Variants in FRMD4A observed in about 807,000 individuals in gnomAD.
The protein encoded by FRMD4A is FERM domain-containing protein 4A.
FRMD4A carries 29 observed loss-of-function variants against 129.1 expected under a neutral mutation model. The ratio of observed to expected loss-of-function variants is 0.22; its 90% CI spans 0.17 to 0.31. The LOEUF (loss-of-function observed/expected upper bound fraction) is 0.31, where lower values mean the gene tolerates loss of function less well. Ranked by LOEUF, FRMD4A falls within the 10% of genes least tolerant of loss-of-function variation. FRMD4A has a pLI of 1.00. For missense variants in FRMD4A, 1,272 were observed against 1,375.8 expected, an observed-to-expected ratio of 0.92 and a Z score of 1.19; for synonymous variants, 634 against 571.6, an observed-to-expected ratio of 1.11 and a Z score of -1.56.
intron 2 of FRMD4A, among the ~76,000 whole-genome samples, chr10:13,868,550 G>A (rs1171874861): frequency 6.6e-6 from 1 of 152,078 alleles, no homozygotes; most frequent in Non-Finnish European, 1.5e-5. Context: ...CTACTGTAAT[G>A]CCAGCACTTT....
chr10:14,244,866 T>C (rs986428037), intron 2 of FRMD4A, among the ~76,000 whole-genome samples: 7 of 152,230 alleles, frequency 4.6e-5, no homozygotes, highest in African/African-American at 1.7e-4. Flanking sequence ...ACCATTAAGA[T>C]GCACCATGAG....
At position 13,939,001 on chromosome 10, in the gene FRMD4A, A is replaced by G. The variant is rs146362790; in HGVS notation, c.46-80089T>C. 3.3e-3 allele frequency among the ~76,000 whole-genome samples: 503 copies of G among 152,324 alleles called. 6 individuals are homozygous for G. The highest frequency in any genetic ancestry group is 0.012 in the African/African-American group (482 of 41,576). On this transcript the variant is annotated intron_variant, in intron 2 of 24. Transcript: ENST00000357447. ...CCAGGGATGCTGTTAAACGTCCTAG[A>G]ATTCCCAGAATAGCACCATCCTCCC...
rs1176089835 is a variant in FRMD4A, at chr10:13,707,204, A to G, written c.760-91T>C. The G allele has an allele frequency of 4.5e-6, 4 of 885,134 alleles. No individual in the cohort carries two copies. In the Admixed American group the frequency reaches 5.7e-5, roughly 13 times the overall value. The allele number at this position is 885,134 out of a possible 1,614,324, so 54.8% of individuals were successfully genotyped here. A position where few individuals can be genotyped will look rare whatever the true frequency, so the allele number is the denominator to read the frequency against. ...TGCTGGTTAACTTTCGACAGCTGGCAGTTTCCTTATCAAAACAGAGACCGT... is the reference window on the plus strand; with the variant it reads ...TGCTGGTTAACTTTCGACAGCTGGCGGTTTCCTTATCAAAACAGAGACCGT... On this transcript the variant is annotated intron_variant, in intron 12 of 24. Transcript: ENST00000357447.
chr10:13,753,159 T>G (rs2130662251), intron 8 of FRMD4A, among the ~76,000 whole-genome samples: 1 of 152,358 alleles, frequency 6.6e-6, no homozygotes, highest in Admixed American at 6.5e-5. Context: ...CTTTAAGAAA[T>G]CATGCAGGAA....
intron 2 of FRMD4A, among the ~76,000 whole-genome samples, chr10:14,182,923 C>T (rs1314535902): frequency 6.6e-6 from 1 of 152,154 alleles, no homozygotes; most frequent in Non-Finnish European, 1.5e-5. Flanking sequence ...GATTAGGCTG[C>T]TTCAAGGGAA....
At chr10:14,167,159 G>A (rs1239487641) in intron 2 of FRMD4A, among the ~76,000 whole-genome samples, 1 of 152,144 alleles carries the variant, frequency 6.6e-6, no homozygotes, top group Non-Finnish European at 1.5e-5. Flanking sequence ...ACACTGATTT[G>A]ACTATATGAA....
Position 13,835,590 on chromosome 10 carries a change from C to A in FRMD4A, c.111+23257G>T, listed in dbSNP as rs571377465. On this transcript the variant is annotated intron_variant, in intron 3 of 24. Coordinates refer to ENST00000357447, the MANE Select transcript of FRMD4A (RefSeq NM_018027.5). ...CATTAGATACTCATAGGAGTATGAA[C>A]CCTATTGTGAACTGTGCATGCGAGC... Among the ~76,000 whole-genome samples, 137 of 152,044 alleles carry A rather than the reference C, an allele frequency of 9.0e-4. 1 individual carries two copies. Among genetic ancestry groups the A allele is most frequent in the Non-Finnish European group, 1.4e-3 (92 of 68,024 alleles).
At chr10:14,267,287 C>T (rs1589246136) in intron 2 of FRMD4A, among the ~76,000 whole-genome samples, 1 of 152,012 alleles carries the variant, frequency 6.6e-6, no homozygotes, top group South Asian at 2.1e-4. Flanking sequence ...TAGAGGTTTA[C>T]AATAAGGAAG....
At chr10:14,070,284 T>C (rs1312210888) in intron 2 of FRMD4A, among the ~76,000 whole-genome samples, 1 of 152,210 alleles carries the variant, frequency 6.6e-6, no homozygotes, top group Non-Finnish European at 1.5e-5. Flanking sequence ...CTCAGCAGTC[T>C]TCCTAGAATT....
At chr10:13,748,276 T>C (rs2091399353) in intron 8 of FRMD4A, among the ~76,000 whole-genome samples, 1 of 152,212 alleles carries the variant, frequency 6.6e-6, no homozygotes, top group Non-Finnish European at 1.5e-5. Context: ...TTTGCGCTGC[T>C]AATACACAAA....
intron 2 of FRMD4A, among the ~76,000 whole-genome samples, chr10:14,028,769 C>A (rs1242894943): frequency 6.6e-6 from 1 of 152,140 alleles, no homozygotes; most frequent in Non-Finnish European, 1.5e-5. Context: ...TAGTACACCT[C>A]CTGAGGTTGG....
intron 2 of FRMD4A, among the ~76,000 whole-genome samples, chr10:14,086,627 C>T (rs112458571): frequency 2.2e-4 from 34 of 152,318 alleles, no homozygotes; most frequent in African/African-American, 7.9e-4. Context: ...TTACTGCCCT[C>T]CTTAACCAGG....
intron 2 of FRMD4A, among the ~76,000 whole-genome samples, chr10:14,190,589 T>C (rs1381975654): frequency 6.6e-6 from 1 of 152,258 alleles, no homozygotes; most frequent in Non-Finnish European, 1.5e-5. Context: ...TTTTCTTGTG[T>C]TGCCCAGTCT....
At chr10:13,689,666 C>G (rs2085484621) in intron 15 of FRMD4A, among the ~76,000 whole-genome samples, 1 of 151,708 alleles carries the variant, frequency 6.6e-6, no homozygotes, top group Non-Finnish European at 1.5e-5. Context: ...GATCCTCCAG[C>G]CTCAGCCTCC....
chr10:13,830,223 G>A (rs1424712142), intron 3 of FRMD4A, among the ~76,000 whole-genome samples: 1 of 152,210 alleles, frequency 6.6e-6, no homozygotes, highest in East Asian at 1.9e-4. Context: ...GCAGGGCGCT[G>A]TCCCTCCTCG....
intron 11 of FRMD4A, 84 bp downstream of exon 11, chr10:13,740,110 A>C (rs11258567): frequency 0.55 from 469,832 of 856,024 alleles, 132,465 homozygotes; most frequent in East Asian, 0.7. Flanking sequence ...AAAGAAAAAG[A>C]AAAAGAAGAA....
chr10:13,980,494 C>T (rs1263355518), intron 2 of FRMD4A, among the ~76,000 whole-genome samples: 1 of 152,204 alleles, frequency 6.6e-6, no homozygotes, highest in Non-Finnish European at 1.5e-5. Context: ...CTTTGGGACA[C>T]TGAGGCTGGA....
intron 23 of FRMD4A, chr10:13,652,327 G>A (rs1233582827): frequency 6.5e-6 from 2 of 308,706 alleles, no homozygotes; most frequent in East Asian, 7.7e-5. Context: ...CATCTTAAGT[G>A]CATAGGACCC....
At chr10:14,255,707 G>C (rs930132622) in intron 2 of FRMD4A, among the ~76,000 whole-genome samples, 4 of 152,150 alleles carry the variant, frequency 2.6e-5, no homozygotes, top group African/African-American at 9.7e-5. Context: ...AAAAAATTGA[G>C]TTTAAATTTT....
Sources: allele counts gnomAD v4.1 joint callset (sites outside exome capture counted in the v4.1 genomes callset), GRCh38; gene constraint gnomAD v4.1.1; transcripts MANE v1.5; gene names NCBI Gene and HGNC (gene_info 2026-07-23, HGNC 2026-07-21).